Variants in GLI3 observed in about 807,000 individuals in gnomAD.
GLI3 encodes the protein transcription activator GLI3.
GLI3 carries 20 observed loss-of-function variants against 100.8 expected under a neutral mutation model. The ratio of observed to expected loss-of-function variants is 0.20; its 90% CI spans 0.14 to 0.29. The LOEUF is 0.29. Among genes scored for constraint, GLI3 ranks in the 10% least tolerant of loss-of-function variants. The pLI is 1.00. For missense variants in GLI3, 2,040 were observed against 2,128.5 expected, an observed-to-expected ratio of 0.96 and a Z score of 0.82; for synonymous variants, 938 against 860.5, an observed-to-expected ratio of 1.09 and a Z score of -1.58.
intron 2 of GLI3, among the ~76,000 whole-genome samples, chr7:42,167,248 A>C (rs1787264809): frequency 6.6e-6 from 1 of 152,208 alleles, no homozygotes; most frequent in Non-Finnish European, 1.5e-5. Flanking sequence ...AAGGACAGTA[A>C]GCAATGGGAA....
intron 4 of GLI3, among the ~76,000 whole-genome samples, chr7:42,067,358 G>A (rs1784696757): frequency 6.6e-6 from 1 of 152,140 alleles, no homozygotes; most frequent in Non-Finnish European, 1.5e-5. Flanking sequence ...AACTGGAAAT[G>A]TTTATTTCCA....
At chr7:42,250,819 C>T (rs898375195) in intron 1 of GLI3, among the ~76,000 whole-genome samples, 5 of 152,056 alleles carry the variant, frequency 3.3e-5, no homozygotes, top group Admixed American at 6.6e-5. Context: ...TGGGAAAGGG[C>T]GAAAGAATAG....
rs955805198 is a variant in GLI3 at position 41,963,813 on chromosome 7, T to G, written c.*517A>C. The G allele has an allele frequency of 1.5e-4, 24 of 161,526 alleles. No individual in the cohort carries two copies. The East Asian group carries it at 3.5e-3, about 23-fold the overall frequency. 10.0% of individuals were successfully genotyped at this position (161,526 alleles called of 1,614,324 possible). A position where few individuals can be genotyped will look rare whatever the true frequency, so the allele number is the denominator to read the frequency against. On this transcript the variant is annotated 3_prime_UTR_variant, in exon 15 of 15. Coordinates refer to ENST00000395925, the MANE Select transcript of GLI3 (RefSeq NM_000168.6). Reference sequence around the variant, plus strand: ...CTTAAACTAGCTATCCATATTCTGATTCTTGTGCCCAATGTGGGAATTAAA... The same window carrying G: ...CTTAAACTAGCTATCCATATTCTGAGTCTTGTGCCCAATGTGGGAATTAAA...
At chr7:42,022,919 T>G (rs1022809486) in intron 10 of GLI3, among the ~76,000 whole-genome samples, 3 of 152,108 alleles carry the variant, frequency 2.0e-5, no homozygotes, top group African/African-American at 7.3e-5. Flanking sequence ...ACTAAATACA[T>G]TTAAAAACAC....
chr7:42,005,453 T>TCATATACACA (rs1554311690), intron 10 of GLI3, among the ~76,000 whole-genome samples: 24 of 60,286 alleles, frequency 4.0e-4, no homozygotes, highest in Non-Finnish European at 6.6e-4. Context: ...TATCCTGAAT[T>TCATATACACA]CACATACACA....
intron 10 of GLI3, among the ~76,000 whole-genome samples, chr7:42,019,185 G>A (rs1788861314): frequency 6.6e-6 from 1 of 152,090 alleles, no homozygotes; most frequent in African/African-American, 2.4e-5. Context: ...ATGTTTTCAA[G>A]CATAACCAGC....
At chr7:42,074,661 A>G (rs1044579222) in intron 4 of GLI3, among the ~76,000 whole-genome samples, 1 of 152,102 alleles carries the variant, frequency 6.6e-6, no homozygotes. Flanking sequence ...CCCACTTCAT[A>G]AGCATAGCGT....
chr7:42,048,388 G>T, intron 5 of GLI3, 103 bp downstream of exon 5: 3 of 841,452 alleles, frequency 3.6e-6, no homozygotes, highest in Admixed American at 1.7e-5. Context: ...CCTGGCACAT[G>T]GGAAACACTC....
intron 10 of GLI3, among the ~76,000 whole-genome samples, chr7:42,020,152 G>A (rs1271814007): frequency 2.6e-5 from 4 of 152,198 alleles, no homozygotes; most frequent in Non-Finnish European, 5.9e-5. Context: ...AGTAATGAAC[G>A]AGGTAATCTT....
At chr7:42,055,286 A>G (rs1430683023) in intron 4 of GLI3, among the ~76,000 whole-genome samples, 1 of 151,662 alleles carries the variant, frequency 6.6e-6, no homozygotes, top group Non-Finnish European at 1.5e-5. Context: ...TAGAAACACC[A>G]CGTGACCCTG....
chr7:42,256,294 C>A (rs1789084363), intron 1 of GLI3, among the ~76,000 whole-genome samples: 1 of 151,352 alleles, frequency 6.6e-6, no homozygotes, highest in Admixed American at 6.6e-5. Context: ...TGATGAAGTC[C>A]AATTTATCAG....
intron 10 of GLI3, among the ~76,000 whole-genome samples, chr7:41,995,898 C>A (rs1788110622): frequency 6.6e-6 from 1 of 152,182 alleles, no homozygotes; most frequent in Non-Finnish European, 1.5e-5. Flanking sequence ...GGGGCACTGT[C>A]AAAACCAGTA....
chr7:42,019,662 A>G (rs1490890386), intron 10 of GLI3, among the ~76,000 whole-genome samples: 2 of 152,232 alleles, frequency 1.3e-5, no homozygotes, highest in African/African-American at 4.8e-5. Context: ...AACAAAAAAA[A>G]AGGTCTGGTT....
At chr7:42,166,050 C>T (rs1190826514) in intron 2 of GLI3, among the ~76,000 whole-genome samples, 2 of 152,196 alleles carry the variant, frequency 1.3e-5, no homozygotes, top group Non-Finnish European at 2.9e-5. Flanking sequence ...GGCTCACAAA[C>T]CTTGCATGAA....
intron 2 of GLI3, among the ~76,000 whole-genome samples, chr7:42,148,779 C>T (rs1786783893): frequency 6.6e-6 from 1 of 152,188 alleles, no homozygotes. Context: ...CATGAGGTTT[C>T]TGCTCATGGG....
chr7:41,987,101 G>GACACACAC (rs34005460), intron 10 of GLI3, among the ~76,000 whole-genome samples: 3,099 of 140,642 alleles, frequency 0.022, 94 homozygotes, highest in African/African-American at 0.067. Context: ...CACAGACACA[G>GACACACAC]ACACACACAC....
At chr7:42,081,729 G>A (rs1785000895) in intron 3 of GLI3, among the ~76,000 whole-genome samples, 1 of 152,042 alleles carries the variant, frequency 6.6e-6, no homozygotes, top group South Asian at 2.1e-4. Context: ...TGCCATCCTG[G>A]GAAACTGTCT....
intron 2 of GLI3, among the ~76,000 whole-genome samples, chr7:42,206,649 T>C (rs1160441601): frequency 6.6e-6 from 1 of 152,170 alleles, no homozygotes; most frequent in Non-Finnish European, 1.5e-5. Context: ...AAGAGCCATT[T>C]GAAAAGGAAG....
At chr7:42,187,684 T>C (rs1178024874) in intron 2 of GLI3, among the ~76,000 whole-genome samples, 3 of 152,082 alleles carry the variant, frequency 2.0e-5, no homozygotes. Context: ...AGGTGAACCC[T>C]AAATCCAATT....
Sources: gnomAD v4.1 joint callset for allele counts (sites outside exome capture counted in the v4.1 genomes callset) on GRCh38, gnomAD v4.1.1 for gene constraint, MANE v1.5 for transcripts, NCBI Gene and HGNC (gene_info 2026-07-23, HGNC 2026-07-21) for gene names.